The following PCDHGA7 variants were observed in gnomAD, a reference collection of about 807,000 sequenced individuals.
The protein encoded by PCDHGA7 is protocadherin gamma-A7.
A neutral mutation model predicts 58.3 loss-of-function variants in PCDHGA7; 44 were observed. The ratio of observed to expected loss-of-function variants is 0.75; its 90% CI spans 0.59 to 0.97. PCDHGA7 has a LOEUF of 0.97. PCDHGA7 is among the 50% of genes least tolerant of loss of function. The pLI is 0.00. For missense variants in PCDHGA7, 1,266 were observed against 1,188.7 expected (o/e 1.06, Z -0.96); for synonymous variants, 516 against 504.2 (o/e 1.02, Z -0.31).
intron 1 of PCDHGA7, chr5:141,410,397 G>A (rs1338071222): frequency 1.9e-6 from 3 of 1,613,930 alleles, no homozygotes; most frequent in South Asian, 1.1e-5. Context: ...CCTGGTCTCT[G>A]TGTCAAGTCT....
intron 1 of PCDHGA7, chr5:141,414,747 C>T (rs556012378): frequency 6.2e-7 from 1 of 1,614,214 alleles, no homozygotes; most frequent in African/African-American, 1.3e-5. Flanking sequence ...TCAGATCCTT[C>T]GACTATGAGC....
rs1245735294 is a variant in PCDHGA7, at chr5:141,397,953, C to T, written c.2424+12630C>T. 6.2e-6 allele frequency: 6 copies of T among 961,992 alleles called. No homozygotes were observed. In the Admixed American group the frequency reaches 1.2e-4, roughly 19 times the overall value. The allele number at this position is 961,992 out of a possible 1,614,324, so 59.6% of individuals were successfully genotyped here. ...CCGCAGCGCGCTTTCCAGGGCAGCC[C>T]CAGCTCAGACTCCCCAGCGCCGGCC... On this transcript the variant is annotated intron_variant, in intron 1 of 3. Transcript: ENST00000518325.
In PCDHGA7 at chr5:141,383,098, A is replaced by T; in HGVS notation, c.199A>T (p.Ile67Phe). 1.2e-6 allele frequency: 2 copies of T among 1,613,954 alleles called. No homozygotes were observed. Among genetic ancestry groups the T allele is most frequent in the Non-Finnish European group, 1.7e-6 (2 of 1,179,918 alleles). The stretch of plus-strand genomic sequence containing the variant: ...GCTGGCGGAGCGCGGAGTCCGCATC[A>T]TCTCCAGAGGTAGGACGCAGCTTTT... The part of the protein sequence containing the change: ...RELAERGVRI[I>F]SRGRTQLFAL... The change falls in exon 1 of 4, where the codon ATC becomes TTC. Residue 67 changes from isoleucine (I) to phenylalanine (F), a missense_variant. Coordinates refer to ENST00000518325, the MANE Select transcript of PCDHGA7 (RefSeq NM_018920.4).
intron 1 of PCDHGA7, chr5:141,478,531 C>A (rs771145308): frequency 8.1e-6 from 13 of 1,608,072 alleles, no homozygotes; most frequent in Admixed American, 5.1e-5. Context: ...GTGCAGAGAG[C>A]GCCCCTCCCG....
chr5:141,433,221 A>G, intron 1 of PCDHGA7: 1 of 1,475,672 alleles, frequency 6.8e-7, no homozygotes, highest in African/African-American at 1.4e-5. Context: ...TTTTTTTTTT[A>G]ATTGCTCTGT....
chr5:141,414,498 C>CT (rs748856262), intron 1 of PCDHGA7: 40 of 1,613,848 alleles, frequency 2.5e-5, no homozygotes, highest in Non-Finnish European at 3.3e-5. Context: ...CGGAAGCTCA[C>CT]TTTATGCTAC....
intron 1 of PCDHGA7, chr5:141,418,063 G>C (rs2015825): frequency 1.9e-6 from 3 of 1,613,754 alleles, no homozygotes; most frequent in Admixed American, 1.7e-5. Flanking sequence ...AGCTGCGAGT[G>C]AGCGCGGAGA....
At chr5:141,406,382 G>C (rs189693155) in intron 1 of PCDHGA7, among the ~76,000 whole-genome samples, 1 of 152,114 alleles carries the variant, frequency 6.6e-6, no homozygotes, top group Non-Finnish European at 1.5e-5. Context: ...TGATAAAAAG[G>C]TAAATGTATT....
At chr5:141,468,402 T>A (rs2154569909) in intron 1 of PCDHGA7, 1 of 150,014 alleles carries the variant, frequency 6.7e-6, no homozygotes, top group East Asian at 2.0e-4. Context: ...TGGTGAGAAC[T>A]AATAATAAGT....
intron 1 of PCDHGA7, chr5:141,403,090 C>T (rs2094352394): frequency 6.2e-7 from 1 of 1,614,068 alleles, no homozygotes; most frequent in Non-Finnish European, 8.5e-7. Context: ...ATATTGTGGG[C>T]AACATCTCCA....
At chr5:141,389,432 C>G in intron 1 of PCDHGA7, 1 of 1,610,650 alleles carries the variant, frequency 6.2e-7, no homozygotes, top group Non-Finnish European at 8.5e-7. Context: ...TCGCGCAGCG[C>G]GCCTTCGACC....
intron 1 of PCDHGA7, chr5:141,395,088 C>T (rs778953049): frequency 4.3e-6 from 7 of 1,614,194 alleles, no homozygotes; most frequent in African/African-American, 1.3e-5. Flanking sequence ...GGAAGTCTCC[C>T]TCACCGCCGA....
intron 1 of PCDHGA7, among the ~76,000 whole-genome samples, chr5:141,429,780 A>G (rs1301908729): frequency 1.3e-5 from 2 of 152,222 alleles, no homozygotes; most frequent in Non-Finnish European, 2.9e-5. Flanking sequence ...ATGGGCTTCC[A>G]AAAGTATTAC....
At chr5:141,389,564 G>A in intron 1 of PCDHGA7, 1 of 1,613,244 alleles carries the variant, frequency 6.2e-7, no homozygotes, top group East Asian at 2.2e-5. Context: ...CGCCACGGGT[G>A]CTGTACCCCG....
chr5:141,399,894 C>G lies in PCDHGA7; in HGVS notation c.2424+14571C>G, dbSNP rs201911174. ...GCTACCTGGTGACCAAGGTAGTGGC[C>G]GTGGACGCAGACTCAGGACACAACG... On this transcript the variant is annotated intron_variant, in intron 1 of 3. Transcript: ENST00000518325. 9.2e-4 allele frequency: 1,477 copies of G among 1,612,556 alleles called. 21 individuals carry two copies. In the South Asian group the frequency reaches 0.015, roughly 17 times the overall value.
intron 1 of PCDHGA7, among the ~76,000 whole-genome samples, chr5:141,461,314 T>A (rs1453512629): frequency 6.6e-6 from 1 of 152,198 alleles, no homozygotes; most frequent in Non-Finnish European, 1.5e-5. Context: ...TTTTTTGACT[T>A]TTTAATAATG....
intron 1 of PCDHGA7, among the ~76,000 whole-genome samples, chr5:141,425,864 A>T (rs2096899427): frequency 6.6e-6 from 1 of 152,254 alleles, no homozygotes; most frequent in African/African-American, 2.4e-5. Flanking sequence ...TGTTCTATAG[A>T]TTCCCATCTC....
chr5:141,413,832 C>T, intron 1 of PCDHGA7: 1 of 1,613,228 alleles, frequency 6.2e-7, no homozygotes. Context: ...TCACCGCCTC[C>T]GACGGGGGTG....
At chr5:141,495,013 T>C (rs2099758300) in intron 2 of PCDHGA7, 148 bp downstream of exon 2, 12 of 1,511,014 alleles carry the variant, frequency 7.9e-6, no homozygotes, top group Non-Finnish European at 1.1e-5. Context: ...TGCGGGGGGC[T>C]GGCACACAGA....
Sources: gnomAD v4.1 joint callset for allele counts (sites outside exome capture counted in the v4.1 genomes callset) on GRCh38, gnomAD v4.1.1 for gene constraint, MANE v1.5 for transcripts, NCBI Gene and HGNC (gene_info 2026-07-23, HGNC 2026-07-21) for gene names.